CTNNA3: variants seen among roughly 807,000 people sequenced by gnomAD.
The protein encoded by CTNNA3 is catenin alpha-3.
A neutral mutation model predicts 95.7 loss-of-function variants in CTNNA3; 76 were observed. The ratio of observed to expected loss-of-function variants is 0.79; its 90% CI spans 0.66 to 0.96. The LOEUF is 0.96. Ranked by LOEUF, CTNNA3 falls within the 40% of genes least tolerant of loss-of-function variation. The pLI is 0.00. For synonymous variants in CTNNA3, 431 were observed against 374.4 expected (o/e 1.15, Z -1.74); for missense variants, 1,191 against 1,089.8 (o/e 1.09, Z -1.31).
At chr10:66,534,014 G>A (rs1231975169) in intron 10 of CTNNA3, among the ~76,000 whole-genome samples, 1 of 152,134 alleles carries the variant, frequency 6.6e-6, no homozygotes, top group Non-Finnish European at 1.5e-5. Flanking sequence ...ACAGCAAAGT[G>A]TTCATCAAAT....
At chr10:66,858,755 G>C (rs1198978734) in intron 7 of CTNNA3, among the ~76,000 whole-genome samples, 1 of 151,820 alleles carries the variant, frequency 6.6e-6, no homozygotes, top group African/African-American at 2.4e-5. Context: ...AGTTCTGCTT[G>C]TGTTTAGTTG....
intron 11 of CTNNA3, among the ~76,000 whole-genome samples, chr10:66,498,130 T>C (rs1840159415): frequency 6.6e-6 from 1 of 152,136 alleles, no homozygotes; most frequent in Admixed American, 6.5e-5. Flanking sequence ...TTCTTAGTCC[T>C]GCTTGAAAAG....
At chr10:66,877,314 C>T (rs755728530) in intron 7 of CTNNA3, among the ~76,000 whole-genome samples, 12 of 152,028 alleles carry the variant, frequency 7.9e-5, no homozygotes, top group African/African-American at 1.2e-4. Flanking sequence ...CAGGGTATGG[C>T]GAGGGTTTAA....
At chr10:65,989,934 T>C (rs1276360245) in intron 15 of CTNNA3, among the ~76,000 whole-genome samples, 2 of 152,058 alleles carry the variant, frequency 1.3e-5, no homozygotes, top group Non-Finnish European at 2.9e-5. Flanking sequence ...GAGAGCAAAG[T>C]TTTTAGCTCT....
chr10:65,920,768 G>T, intron 17 of CTNNA3, 151 bp from the exon 18 acceptor site: 1 of 734,908 alleles, frequency 1.4e-6, no homozygotes, highest in Non-Finnish European at 2.2e-6. Flanking sequence ...AAAGGTTGCA[G>T]TGAGCCAAGA....
intron 3 of CTNNA3, among the ~76,000 whole-genome samples, chr10:67,598,095 T>C (rs1273704260): frequency 6.6e-6 from 1 of 152,128 alleles, no homozygotes; most frequent in Non-Finnish European, 1.5e-5. Flanking sequence ...AGCCCTGTTC[T>C]GTCTAGATCT....
intron 5 of CTNNA3, among the ~76,000 whole-genome samples, chr10:67,237,948 T>C (rs1375111439): frequency 6.6e-6 from 1 of 151,978 alleles, no homozygotes; most frequent in Non-Finnish European, 1.5e-5. Context: ...GTGGGAGAGA[T>C]CCAGGAAATT....
intron 1 of CTNNA3, among the ~76,000 whole-genome samples, chr10:67,649,224 A>T (rs1589532591): frequency 6.6e-6 from 1 of 152,238 alleles, no homozygotes; most frequent in African/African-American, 2.4e-5. Flanking sequence ...TGTGAACTAA[A>T]ATAAAATTTG....
At chr10:66,524,713 G>C (rs550526002) in intron 10 of CTNNA3, among the ~76,000 whole-genome samples, 4 of 152,138 alleles carry the variant, frequency 2.6e-5, no homozygotes, top group Admixed American at 2.6e-4. Context: ...AAAGTGCAAG[G>C]AAGAAGAAAC....
intron 9 of CTNNA3, among the ~76,000 whole-genome samples, chr10:66,760,362 T>C (rs988487233): frequency 6.6e-6 from 1 of 152,154 alleles, no homozygotes; most frequent in African/African-American, 2.4e-5. Flanking sequence ...TCCTGCCAAC[T>C]TACCTATCTA....
intron 11 of CTNNA3, among the ~76,000 whole-genome samples, chr10:66,414,869 C>A (rs2093133941): frequency 6.6e-6 from 1 of 152,192 alleles, no homozygotes; most frequent in East Asian, 1.9e-4. Context: ...TGCACACTAC[C>A]TGAAGCCCAG....
intron 9 of CTNNA3, among the ~76,000 whole-genome samples, chr10:66,725,237 A>C (rs557036624): frequency 6.6e-6 from 1 of 152,178 alleles, no homozygotes; most frequent in Non-Finnish European, 1.5e-5. Context: ...TATGGAACCC[A>C]TAGATACTAA....
At chr10:67,749,200 C>T (rs1841391093) in intron 1 of CTNNA3, among the ~76,000 whole-genome samples, 1 of 152,138 alleles carries the variant, frequency 6.6e-6, no homozygotes, top group Admixed American at 6.5e-5. Context: ...AAGACTACCA[C>T]ACAATAATAG....
intron 5 of CTNNA3, among the ~76,000 whole-genome samples, chr10:67,479,086 G>A (rs1848124964): frequency 6.6e-6 from 1 of 152,114 alleles, no homozygotes; most frequent in Non-Finnish European, 1.5e-5. Context: ...CTCAACAGTA[G>A]AGCACCTAGA....
intron 5 of CTNNA3, among the ~76,000 whole-genome samples, chr10:67,342,203 G>A (rs1452680094): frequency 7.0e-6 from 1 of 142,230 alleles, no homozygotes; most frequent in Non-Finnish European, 1.5e-5. Flanking sequence ...CCGGGTTCAT[G>A]CCATTCTCCT....
intron 12 of CTNNA3, among the ~76,000 whole-genome samples, chr10:66,340,483 T>C (rs1199500325): frequency 2.0e-5 from 3 of 151,910 alleles, no homozygotes; most frequent in Non-Finnish European, 4.4e-5. Flanking sequence ...ATAGAGTGTA[T>C]ATATGTTTAG....
chr10:66,365,051 TC>T (rs1176264080), intron 12 of CTNNA3, among the ~76,000 whole-genome samples: 6 of 152,130 alleles, frequency 3.9e-5, no homozygotes, highest in Non-Finnish European at 7.3e-5. Flanking sequence ...TGCTAATGTT[TC>T]CAGTATTAAA....
intron 7 of CTNNA3, among the ~76,000 whole-genome samples, chr10:66,784,772 G>A (rs1840675080): frequency 6.6e-6 from 1 of 152,150 alleles, no homozygotes; most frequent in Admixed American, 6.6e-5. Flanking sequence ...AAAACATGTG[G>A]AGATTAGGGA....
intron 6 of CTNNA3, among the ~76,000 whole-genome samples, chr10:67,196,338 A>T (rs576675593): frequency 1.3e-5 from 2 of 152,226 alleles, no homozygotes; most frequent in Non-Finnish European, 2.9e-5. Flanking sequence ...TAATCTACAC[A>T]TACAAATCTA....
Sources: gnomAD v4.1 joint callset for allele counts (sites outside exome capture counted in the v4.1 genomes callset) on GRCh38, gnomAD v4.1.1 for gene constraint, MANE v1.5 for transcripts, NCBI Gene and HGNC (gene_info 2026-07-23, HGNC 2026-07-21) for gene names.